The following PARD3 variants were observed in gnomAD, a reference collection of about 807,000 sequenced individuals.
PARD3 encodes the protein partitioning defective 3 homolog.
In PARD3, 75 loss-of-function variants were observed where a neutral mutation model predicts 155.4. That is an observed-to-expected ratio of 0.48 (90% confidence interval 0.40 to 0.58). The LOEUF is 0.58. PARD3 is among the 20% of genes least tolerant of loss of function. The pLI, the probability that PARD3 is intolerant of heterozygous loss-of-function variation, is 0.00. For missense variants in PARD3, 1,642 were observed against 1,721.7 expected (o/e 0.95, Z 0.82); for synonymous variants, 576 against 610.5 (o/e 0.94, Z 0.83).
At chr10:34,121,454 T>C (rs1946999884) in intron 23 of PARD3, among the ~76,000 whole-genome samples, 1 of 152,220 alleles carries the variant, frequency 6.6e-6, no homozygotes, top group African/African-American at 2.4e-5. Context: ...AAACAAGTTA[T>C]TGATTTTCTT....
intron 5 of PARD3, among the ~76,000 whole-genome samples, chr10:34,432,337 TACACACACACACACACACACAC>T (rs71917947): frequency 4.7e-4 from 68 of 143,562 alleles, no homozygotes; most frequent in Admixed American, 1.1e-3. Flanking sequence ...CACGTGCACA[TACACACACACACACACACACAC>T]ACACACACAC....
intron 22 of PARD3, among the ~76,000 whole-genome samples, chr10:34,185,593 T>A (rs1454521217): frequency 6.6e-6 from 1 of 152,068 alleles, no homozygotes; most frequent in Non-Finnish European, 1.5e-5. Context: ...GAATTTTATA[T>A]GCAACACAGA....
intron 7 of PARD3, among the ~76,000 whole-genome samples, chr10:34,385,584 T>C (rs1209272065): frequency 6.6e-6 from 1 of 152,164 alleles, no homozygotes; most frequent in Non-Finnish European, 1.5e-5. Flanking sequence ...CCAGTATAAA[T>C]TAAAATTGAA....
intron 2 of PARD3, among the ~76,000 whole-genome samples, chr10:34,581,359 T>C (rs147712311): frequency 0.014 from 2,045 of 149,162 alleles, 53 homozygotes; most frequent in African/African-American, 0.047. Context: ...CTCAGCCTCC[T>C]GAGTAGCTGG....
chr10:34,612,452 A>G (rs1262443579), intron 2 of PARD3, among the ~76,000 whole-genome samples: 3 of 152,162 alleles, frequency 2.0e-5, no homozygotes, highest in Admixed American at 2.0e-4. Context: ...AAAAAGAAAA[A>G]ATAAAAAGTA....
At chr10:34,258,151 G>GACTGC (rs1382266976) in intron 22 of PARD3, among the ~76,000 whole-genome samples, 2 of 152,136 alleles carry the variant, frequency 1.3e-5, no homozygotes, top group Non-Finnish European at 2.9e-5. Context: ...TGAGGGCTTA[G>GACTGC]ACTGCATCTT....
chr10:34,148,141 C>T (rs937963637), intron 22 of PARD3, among the ~76,000 whole-genome samples: 7 of 152,114 alleles, frequency 4.6e-5, no homozygotes, highest in African/African-American at 4.8e-5. Context: ...GACATACATA[C>T]GGACACAGGC....
At chr10:34,743,631 C>T (rs905513530) in intron 1 of PARD3, among the ~76,000 whole-genome samples, 2 of 152,210 alleles carry the variant, frequency 1.3e-5, no homozygotes, top group Admixed American at 6.5e-5. Flanking sequence ...TCTGCTTTCT[C>T]GAGCCACAAA....
Position 34,685,233 on chromosome 10 carries a change from A to G in PARD3, c.222+11085T>C, listed in dbSNP as rs540563006. Among the ~76,000 whole-genome samples, 30 of 152,352 alleles carry G rather than the reference A, an allele frequency of 2.0e-4. No homozygotes were observed. In the East Asian group the frequency reaches 3.5e-3, roughly 18 times the overall value. Reference sequence around the variant, plus strand: ...ATTAAGACAACAGAAAACACATTTCATAAGTTTTTCATTATACTGTTTTCT... The same window carrying G: ...ATTAAGACAACAGAAAACACATTTCGTAAGTTTTTCATTATACTGTTTTCT... On this transcript the variant is annotated intron_variant, in intron 2 of 24. Coordinates refer to ENST00000374788, the MANE Select transcript of PARD3 (RefSeq NM_001184785.2).
intron 20 of PARD3, among the ~76,000 whole-genome samples, chr10:34,309,756 C>G (rs1386710891): frequency 9.1e-6 from 1 of 109,832 alleles, no homozygotes; most frequent in Non-Finnish European, 1.7e-5. Context: ...CCCCACCCCC[C>G]CGCCCCCCCA....
At position 34,337,432 on chromosome 10, in the gene PARD3, G is replaced by C; in HGVS notation, c.2409-6C>G. The C allele has an allele frequency of 6.5e-7, 1 of 1,534,658 alleles. No individual in the cohort carries two copies. The highest frequency in any genetic ancestry group is 8.7e-7 in the Non-Finnish European group (1 of 1,147,046). ...CAACATCTGGACTCAAAGAGCTGGA[G>C]TGAAGAAAAAATAAAAATAAAAATA... On this transcript the variant is annotated splice_polypyrimidine_tract_variant and splice_region_variant and intron_variant, in intron 16 of 24. Transcript: ENST00000374788.
intron 22 of PARD3, among the ~76,000 whole-genome samples, chr10:34,214,905 G>C (rs766504308): frequency 4.6e-5 from 7 of 152,102 alleles, no homozygotes; most frequent in Non-Finnish European, 1.0e-4. Context: ...AAATGATCAG[G>C]CCTGGTTTCT....
At chr10:34,704,398 A>G (rs2133567629) in intron 1 of PARD3, among the ~76,000 whole-genome samples, 1 of 152,332 alleles carries the variant, frequency 6.6e-6, no homozygotes, top group South Asian at 2.1e-4. Context: ...ATTTGTAACC[A>G]TATTTTGTAA....
chr10:34,478,926 A>C (rs2078886175), intron 3 of PARD3, among the ~76,000 whole-genome samples: 1 of 152,166 alleles, frequency 6.6e-6, no homozygotes, highest in Non-Finnish European at 1.5e-5. Flanking sequence ...CTCACTCTGA[A>C]ACTGACAATA....
chr10:34,370,516 G>C (rs1480439042), intron 12 of PARD3, among the ~76,000 whole-genome samples: 1 of 152,098 alleles, frequency 6.6e-6, no homozygotes, highest in Non-Finnish European at 1.5e-5. Context: ...CTGGGCTCAA[G>C]TGATCCTCCC....
intron 12 of PARD3, among the ~76,000 whole-genome samples, chr10:34,363,648 T>G (rs1839675718): frequency 6.6e-6 from 1 of 152,228 alleles, no homozygotes; most frequent in Admixed American, 6.5e-5. Context: ...TTCTATCACC[T>G]TGCTATTCCA....
At chr10:34,471,835 A>G (rs2078368346) in intron 3 of PARD3, among the ~76,000 whole-genome samples, 1 of 152,216 alleles carries the variant, frequency 6.6e-6, no homozygotes, top group Admixed American at 6.5e-5. Flanking sequence ...CTGGGATTAC[A>G]GGCGTGAGCC....
At chr10:34,316,233 G>A (rs557569095) in intron 20 of PARD3, among the ~76,000 whole-genome samples, 1 of 152,198 alleles carries the variant, frequency 6.6e-6, no homozygotes, top group South Asian at 2.1e-4. Flanking sequence ...TATGTTTAGG[G>A]GTTTAATTTA....
At chr10:34,413,258 C>CCATATG (rs1372835364) in intron 5 of PARD3, among the ~76,000 whole-genome samples, 1 of 150,848 alleles carries the variant, frequency 6.6e-6, no homozygotes, top group Non-Finnish European at 1.5e-5. Flanking sequence ...TTTTTAAAAA[C>CCATATG]CATAACACCT....
Sources: gnomAD v4.1 joint callset for allele counts (sites outside exome capture counted in the v4.1 genomes callset) on GRCh38, gnomAD v4.1.1 for gene constraint, MANE v1.5 for transcripts, NCBI Gene and HGNC (gene_info 2026-07-23, HGNC 2026-07-21) for gene names.